The following ANKFN1 variants were observed in gnomAD, a reference collection of about 807,000 sequenced individuals.
ANKFN1 encodes the protein ankyrin repeat and fibronectin type III domain containing 1.
A neutral mutation model predicts 108.7 loss-of-function variants in ANKFN1; 74 were observed. The observed-to-expected ratio is 0.68, with a 90% CI of 0.56 to 0.83. ANKFN1 has a LOEUF of 0.83. Ranked by LOEUF, ANKFN1 falls within the 40% of genes least tolerant of loss-of-function variation. The probability of loss-of-function intolerance (pLI) is 0.00; values close to 1 mark genes in which losing one functional copy is unlikely to be tolerated. For missense variants in ANKFN1, 1,505 were observed against 1,382.3 expected, an observed-to-expected ratio of 1.09 and a Z score of -1.41; for synonymous variants, 547 against 516.2, an observed-to-expected ratio of 1.06 and a Z score of -0.81.
At chr17:56,507,570 C>A (rs955831780) in intron 20 of ANKFN1, among the ~76,000 whole-genome samples, 1 of 152,204 alleles carries the variant, frequency 6.6e-6, no homozygotes, top group Non-Finnish European at 1.5e-5. Flanking sequence ...CTCAGTTCAT[C>A]CCCTCCTTGA....
chr17:56,165,552 C>T (rs1276112107), intron 1 of ANKFN1, among the ~76,000 whole-genome samples: 1 of 152,154 alleles, frequency 6.6e-6, no homozygotes, highest in Non-Finnish European at 1.5e-5. Context: ...AATGTCTACA[C>T]CAATAGTCAG....
Position 56,234,601 on chromosome 17 carries a change from T to C in ANKFN1, c.53+6644T>C, listed in dbSNP as rs139884699. Among the ~76,000 whole-genome samples, 226 of 152,224 alleles carry C rather than the reference T, an allele frequency of 1.5e-3. 8 individuals carry two copies. The East Asian group carries it at 0.041, about 28-fold the overall frequency. On this transcript the variant is annotated intron_variant, in intron 3 of 20. Transcript: ENST00000682825. ...GCTACTAATAAGTGAGAACATGCAGTATTTGGTTTTCTGTTCCTGCATTAG... is the reference window on the plus strand; with the variant it reads ...GCTACTAATAAGTGAGAACATGCAGCATTTGGTTTTCTGTTCCTGCATTAG...
At chr17:56,443,004 A>C in intron 10 of ANKFN1, 71 bp downstream of exon 10, 1 of 1,498,044 alleles carries the variant, frequency 6.7e-7, no homozygotes, top group Non-Finnish European at 9.2e-7. Flanking sequence ...TCAGGGTGCC[A>C]TTGCCATTCC....
intron 4 of ANKFN1, among the ~76,000 whole-genome samples, chr17:56,135,436 G>A (rs1280407760): frequency 2.6e-5 from 4 of 152,102 alleles, no homozygotes; most frequent in Non-Finnish European, 5.9e-5. Context: ...TAGAACCCAG[G>A]TCTCTAGATT....
intron 1 of ANKFN1, among the ~76,000 whole-genome samples, chr17:56,172,011 G>A (rs1910735133): frequency 6.7e-6 from 1 of 149,114 alleles, no homozygotes; most frequent in African/African-American, 2.5e-5. Flanking sequence ...AATAATAATA[G>A]CAAAAAAACA....
chr17:56,046,987 CT>C (rs199971972), intron 4 of ANKFN1, among the ~76,000 whole-genome samples: 2 of 151,366 alleles, frequency 1.3e-5, no homozygotes, highest in African/African-American at 2.4e-5. Context: ...CCTTTCTTTT[CT>C]TTTTTTTTAA....
intron 4 of ANKFN1, among the ~76,000 whole-genome samples, chr17:56,121,074 A>G (rs967071931): frequency 6.6e-6 from 1 of 152,048 alleles, no homozygotes; most frequent in African/African-American, 2.4e-5. Context: ...TGATCATATC[A>G]CCACCCAGAT....
At chr17:56,415,669 C>T (rs914438060) in intron 8 of ANKFN1, among the ~76,000 whole-genome samples, 2 of 152,044 alleles carry the variant, frequency 1.3e-5, no homozygotes, top group Non-Finnish European at 2.9e-5. Context: ...AATGCAATCC[C>T]TATCAAAATA....
At chr17:56,423,136 T>G (rs1414711691) in intron 8 of ANKFN1, among the ~76,000 whole-genome samples, 2 of 152,212 alleles carry the variant, frequency 1.3e-5, no homozygotes, top group Non-Finnish European at 2.9e-5. Flanking sequence ...GGGCAATCCT[T>G]CAAGGGAAAT....
intron 7 of ANKFN1, 61 bp from the exon 8 acceptor site, chr17:56,374,540 G>A (rs756189583): frequency 4.4e-5 from 54 of 1,226,282 alleles, no homozygotes; most frequent in African/African-American, 9.0e-5. Context: ...TGAAGAGGGA[G>A]GAACGTTGTT....
chr17:56,150,118 C>T (rs953662265), upstream of ANKFN1, among the ~76,000 whole-genome samples: 1 of 152,168 alleles, frequency 6.6e-6, no homozygotes, highest in Non-Finnish European at 1.5e-5. Context: ...AGCTACAAAT[C>T]CCTGCCTGCA....
intron 4 of ANKFN1, among the ~76,000 whole-genome samples, chr17:56,055,600 C>CACATATATATATATATATACATAT (rs1567778636): frequency 3.0e-5 from 1 of 33,590 alleles, no homozygotes; most frequent in African/African-American, 1.3e-4. Flanking sequence ...TATATATACA[C>CACATATATATATATATATACATAT]ATTTTTTTAT....
chr17:56,177,471 C>A (rs961133939), intron 1 of ANKFN1, among the ~76,000 whole-genome samples: 12 of 152,194 alleles, frequency 7.9e-5, no homozygotes, highest in African/African-American at 2.9e-4. Context: ...GCTGGAGACT[C>A]CTGTTCCATC....
chr17:56,049,702 C>A (rs930952682), intron 4 of ANKFN1, among the ~76,000 whole-genome samples: 5 of 149,346 alleles, frequency 3.3e-5, no homozygotes, highest in Admixed American at 3.3e-4. Context: ...TCATCCATGT[C>A]CCTACAAAGG....
rs2046436275 is a variant in ANKFN1, at chr17:56,358,671, A to G, written c.601+4625A>G. Among the ~76,000 whole-genome samples the G allele has an allele frequency of 2.6e-5, 4 of 152,296 alleles. No individual in the cohort carries two copies. The South Asian group carries it at 8.3e-4, about 32-fold the overall frequency. On this transcript the variant is annotated intron_variant, in intron 6 of 20. Transcript: ENST00000682825. ...AGTAGAGTCCCAAGTACTTTCTTGC[A>G]GACTGATGTGCTGAGCTTAGGAAAA... is the stretch of plus-strand genomic sequence containing the variant.
intron 3 of ANKFN1, among the ~76,000 whole-genome samples, chr17:56,284,195 T>C (rs975631176): frequency 6.6e-6 from 1 of 152,226 alleles, no homozygotes; most frequent in African/African-American, 2.4e-5. Flanking sequence ...AAGCCCACTA[T>C]AGGCTCTGTC....
intron 4 of ANKFN1, among the ~76,000 whole-genome samples, chr17:56,052,568 T>C (rs1011416906): frequency 9.9e-5 from 15 of 152,240 alleles, no homozygotes; most frequent in African/African-American, 3.4e-4. Flanking sequence ...GTTTAAGGTC[T>C]AGATTTTCTG....
intron 2 of ANKFN1, among the ~76,000 whole-genome samples, chr17:56,214,683 C>A (rs1006557866): frequency 1.3e-5 from 2 of 152,166 alleles, no homozygotes; most frequent in African/African-American, 4.8e-5. Flanking sequence ...AAATATCTTT[C>A]TCTAAGATTT....
intron 1 of ANKFN1, among the ~76,000 whole-genome samples, chr17:56,165,321 T>C (rs1910046654): frequency 6.6e-6 from 1 of 152,206 alleles, no homozygotes; most frequent in African/African-American, 2.4e-5. Flanking sequence ...CATGCTATTA[T>C]ACTTGCTATT....
Sources: allele counts gnomAD v4.1 joint callset (sites outside exome capture counted in the v4.1 genomes callset), GRCh38; gene constraint gnomAD v4.1.1; transcripts MANE v1.5; gene names NCBI Gene and HGNC (gene_info 2026-07-23, HGNC 2026-07-21).